The following GALNT17 variants were observed in gnomAD, a reference collection of about 807,000 sequenced individuals.
GALNT17 encodes the protein UDP-GalNAc:polypeptide N-acetylgalactosaminyltransferase-like 3.
GALNT17 carries 29 observed loss-of-function variants against 63.7 expected under a neutral mutation model. The ratio of observed to expected loss-of-function variants is 0.46; its 90% CI spans 0.34 to 0.62. The LOEUF is 0.62. Ranked by LOEUF, GALNT17 falls within the 20% of genes least tolerant of loss-of-function variation. GALNT17 has a pLI of 0.01. For synonymous variants in GALNT17, 305 were observed against 318.3 expected (o/e 0.96, Z 0.45); for missense variants, 603 against 799.6 (o/e 0.75, Z 2.97).
chr7:71,199,144 G>A (rs1310543279), intron 1 of GALNT17, among the ~76,000 whole-genome samples: 3 of 152,146 alleles, frequency 2.0e-5, no homozygotes, highest in Non-Finnish European at 4.4e-5. Context: ...GCACTTCACT[G>A]CGCTGCATGT....
intron 4 of GALNT17, 79 bp from the exon 5 acceptor site, chr7:71,420,829 C>A: frequency 1.3e-6 from 2 of 1,536,376 alleles, no homozygotes; most frequent in East Asian, 2.3e-5. Context: ...TAGCTAAATG[C>A]TGTTCATTCC....
chr7:71,179,124 C>T (rs548582936), intron 1 of GALNT17, among the ~76,000 whole-genome samples: 158 of 152,236 alleles, frequency 1.0e-3, no homozygotes, highest in African/African-American at 3.5e-3. Flanking sequence ...GAAAGGGAAA[C>T]GTCAAGCTGG....
chr7:71,710,895 G>A lies in GALNT17; in HGVS notation c.1635G>A (p.Lys545=), dbSNP rs1791782561. 2.5e-6 allele frequency: 4 copies of A among 1,613,846 alleles called. No homozygotes were observed. The highest frequency in any genetic ancestry group is 1.3e-5 in the African/African-American group (1 of 74,936). The change falls in exon 10 of 11, where the codon AAG becomes AAA. Residue 545 remains lysine, a synonymous_variant. Transcript: ENST00000333538. ...AGCTCCTGGACTGCGACAAGGTCAA[G>A]AGCAGCCTGTACAAGCGCTGGAACT... ...LPQLLDCDKV[K]SSLYKRWNFI...
At position 71,443,953 on chromosome 7, in the gene GALNT17, T is replaced by C. The variant is rs550388478; in HGVS notation, c.962+22848T>C. Reference sequence around the variant, plus strand: ...TGTTGGCCAGGCTGGTCTCGAACTTTTGACCTCGGGTGATCTGCCCGCCTT... The same window carrying C: ...TGTTGGCCAGGCTGGTCTCGAACTTCTGACCTCGGGTGATCTGCCCGCCTT... On this transcript the variant is annotated intron_variant, in intron 5 of 10. Coordinates refer to ENST00000333538, the MANE Select transcript of GALNT17 (RefSeq NM_022479.3). Among the ~76,000 whole-genome samples, 33 of 152,306 alleles carry C rather than the reference T, an allele frequency of 2.2e-4. No individual in the cohort carries two copies. The East Asian group carries it at 6.4e-3, about 30-fold the overall frequency.
At chr7:71,678,507 G>T (rs951025299) in intron 9 of GALNT17, among the ~76,000 whole-genome samples, 1 of 151,732 alleles carries the variant, frequency 6.6e-6, no homozygotes, top group Non-Finnish European at 1.5e-5. Flanking sequence ...GCAAAACCCC[G>T]TCTCTGTTGG....
At chr7:71,240,592 G>A (rs545650030) in intron 1 of GALNT17, among the ~76,000 whole-genome samples, 117 of 152,172 alleles carry the variant, frequency 7.7e-4, no homozygotes, top group African/African-American at 2.6e-3. Context: ...CCAGGTTGCC[G>A]CAAAGGCCAT....
intron 1 of GALNT17, among the ~76,000 whole-genome samples, chr7:71,197,855 G>T (rs1256011967): frequency 6.6e-6 from 1 of 152,026 alleles, no homozygotes; most frequent in Non-Finnish European, 1.5e-5. Flanking sequence ...TCTGTTGATG[G>T]ATGATTATGT....
At chr7:71,382,726 A>G (rs1792869643) in intron 2 of GALNT17, among the ~76,000 whole-genome samples, 1 of 152,164 alleles carries the variant, frequency 6.6e-6, no homozygotes, top group Non-Finnish European at 1.5e-5. Flanking sequence ...CTTCTTTTCC[A>G]AACCAAAGGG....
intron 5 of GALNT17, among the ~76,000 whole-genome samples, chr7:71,536,916 C>T (rs1248420453): frequency 2.0e-5 from 3 of 152,148 alleles, no homozygotes; most frequent in Non-Finnish European, 2.9e-5. Context: ...TCCTGGAAAC[C>T]CTTCCCCAGC....
intron 9 of GALNT17, among the ~76,000 whole-genome samples, chr7:71,690,019 C>CTTTTTTTTTTTT: frequency 7.0e-6 from 1 of 142,826 alleles, no homozygotes; most frequent in Non-Finnish European, 1.5e-5. Flanking sequence ...TACTGAATAT[C>CTTTTTTTTTTTT]TTTTTTTTTT....
chr7:71,238,040 T>G (rs1030528039), intron 1 of GALNT17, among the ~76,000 whole-genome samples: 2 of 152,160 alleles, frequency 1.3e-5, no homozygotes, highest in Non-Finnish European at 2.9e-5. Flanking sequence ...GTGGCTTAGA[T>G]CCATGGCCAC....
chr7:71,399,755 C>CT (rs1428278516), intron 3 of GALNT17, among the ~76,000 whole-genome samples: 6 of 151,690 alleles, frequency 4.0e-5, no homozygotes, highest in Non-Finnish European at 8.8e-5. Flanking sequence ...ATATGAAAGG[C>CT]TTTTTTTTCT....
chr7:71,625,164 A>T (rs940892183), intron 6 of GALNT17, among the ~76,000 whole-genome samples: 1 of 117,944 alleles, frequency 8.5e-6, no homozygotes, highest in Admixed American at 9.2e-5. Flanking sequence ...ATTTATTTTG[A>T]GACAGAGTCT....
chr7:71,253,640 T>G (rs1790240685), intron 1 of GALNT17, among the ~76,000 whole-genome samples: 1 of 152,140 alleles, frequency 6.6e-6, no homozygotes, highest in Non-Finnish European at 1.5e-5. Context: ...TTTGTGTTCC[T>G]TTTTCCTGAG....
At chr7:71,460,377 A>C (rs1787432410) in intron 5 of GALNT17, among the ~76,000 whole-genome samples, 1 of 152,180 alleles carries the variant, frequency 6.6e-6, no homozygotes, top group African/African-American at 2.4e-5. Flanking sequence ...CTAAATCACC[A>C]CCATCTCAAA....
chr7:71,371,872 G>A (rs887172736), intron 2 of GALNT17, among the ~76,000 whole-genome samples: 2 of 152,136 alleles, frequency 1.3e-5, no homozygotes, highest in Non-Finnish European at 2.9e-5. Context: ...GTACCTTCTA[G>A]GTATTTATTC....
chr7:71,362,953 A>ATTTC (rs959496809), intron 2 of GALNT17, among the ~76,000 whole-genome samples: 9 of 150,934 alleles, frequency 6.0e-5, no homozygotes, highest in South Asian at 2.1e-4. Context: ...ACCTTCTTCC[A>ATTTC]TTTCTTTCTT....
intron 1 of GALNT17, among the ~76,000 whole-genome samples, chr7:71,308,501 C>T (rs1203511316): frequency 3.3e-5 from 5 of 152,114 alleles, no homozygotes; most frequent in Admixed American, 6.5e-5. Flanking sequence ...TCACTGCCCT[C>T]CCTCCATTTG....
At chr7:71,137,255 T>C (rs953392392) in intron 1 of GALNT17, among the ~76,000 whole-genome samples, 3 of 150,302 alleles carry the variant, frequency 2.0e-5, no homozygotes, top group Middle Eastern at 3.4e-3. Flanking sequence ...TTCTCCTGCC[T>C]CAGCCTCCCG....
Sources: allele counts gnomAD v4.1 joint callset (sites outside exome capture counted in the v4.1 genomes callset), GRCh38; gene constraint gnomAD v4.1.1; transcripts MANE v1.5; gene names NCBI Gene and HGNC (gene_info 2026-07-23, HGNC 2026-07-21).